Variants in EPHA6 observed in about 807,000 individuals in gnomAD.
EPHA6 encodes EPH receptor A6.
EPHA6 carries 50 observed loss-of-function variants against 112.0 expected under a neutral mutation model. The ratio of observed to expected loss-of-function variants is 0.45; its 90% CI spans 0.36 to 0.56. EPHA6 has a LOEUF of 0.56. Among genes scored for constraint, EPHA6 ranks in the 20% least tolerant of loss-of-function variants. The pLI is 0.00. For synonymous variants in EPHA6, 529 were observed against 490.7 expected, an observed-to-expected ratio of 1.08 and a Z score of -1.03; for missense variants, 1,280 against 1,417.4, an observed-to-expected ratio of 0.90 and a Z score of 1.56.
chr3:97,720,243 C>A lies in EPHA6; in HGVS notation c.2785-18C>A, dbSNP rs913465594. On this transcript the variant is annotated intron_variant, in intron 14 of 17. Coordinates refer to ENST00000389672, the MANE Select transcript of EPHA6 (RefSeq NM_001080448.3). Reference sequence around the variant, plus strand: ...TACAACGATAAGCCAGCTAAGAAATCTCCAATTTGTTTTCCAGGGTGGAAA... The same window carrying A: ...TACAACGATAAGCCAGCTAAGAAATATCCAATTTGTTTTCCAGGGTGGAAA... 1.9e-6 allele frequency: 3 copies of A among 1,555,768 alleles called. No individual in the cohort carries two copies. The highest frequency in any genetic ancestry group is 2.3e-5 in the East Asian group (1 of 42,844).
chr3:97,706,742 C>T (rs2033697402), intron 14 of EPHA6, among the ~76,000 whole-genome samples: 1 of 151,312 alleles, frequency 6.6e-6, no homozygotes, highest in African/African-American at 2.4e-5. Flanking sequence ...AGGTTTTTGC[C>T]TCCTCACACA....
At chr3:97,514,103 T>G (rs1171900409) in intron 10 of EPHA6, among the ~76,000 whole-genome samples, 1 of 152,192 alleles carries the variant, frequency 6.6e-6, no homozygotes, top group East Asian at 1.9e-4. Context: ...AGTTTATTAT[T>G]TTGCATTTCT....
At position 97,396,302 on chromosome 3, in the gene EPHA6, G is replaced by A. The variant is rs376313043; in HGVS notation, c.1607-8848G>A. Among the ~76,000 whole-genome samples, 54 of 148,598 alleles carry A rather than the reference G, an allele frequency of 3.6e-4. No homozygotes were observed. The South Asian group carries it at 0.011, about 29-fold the overall frequency. On this transcript the variant is annotated intron_variant, in intron 5 of 17. Transcript: ENST00000389672. ...GAGCACGTGCACACGCACACACCCTGATAGGTAAACCTTAATATATCTAGT... is the reference window on the plus strand; with the variant it reads ...GAGCACGTGCACACGCACACACCCTAATAGGTAAACCTTAATATATCTAGT...
At chr3:96,965,093 T>C (rs1443558430) in intron 2 of EPHA6, among the ~76,000 whole-genome samples, 2 of 152,154 alleles carry the variant, frequency 1.3e-5, no homozygotes, top group African/African-American at 4.8e-5. Flanking sequence ...ATTTGCCTTA[T>C]TTGAACACAG....
At chr3:97,677,178 A>C (rs2107672658) in intron 14 of EPHA6, among the ~76,000 whole-genome samples, 1 of 152,348 alleles carries the variant, frequency 6.6e-6, no homozygotes, top group East Asian at 1.9e-4. Context: ...ATACAGATCA[A>C]GCATTTTAAA....
At chr3:97,212,445 A>G (rs1479734581) in intron 3 of EPHA6, among the ~76,000 whole-genome samples, 1 of 152,206 alleles carries the variant, frequency 6.6e-6, no homozygotes, top group Non-Finnish European at 1.5e-5. Context: ...TATATTCAAA[A>G]TGGTAATAAA....
chr3:97,587,749 T>C (rs1329418053), intron 11 of EPHA6, among the ~76,000 whole-genome samples: 1 of 152,166 alleles, frequency 6.6e-6, no homozygotes, highest in Non-Finnish European at 1.5e-5. Flanking sequence ...AAGAAATTGA[T>C]TTTCCATATT....
At chr3:97,138,512 C>T (rs1205066984) in intron 3 of EPHA6, among the ~76,000 whole-genome samples, 1 of 152,088 alleles carries the variant, frequency 6.6e-6, no homozygotes, top group African/African-American at 2.4e-5. Flanking sequence ...GGGGGACCCA[C>T]AGCATAGCAA....
intron 5 of EPHA6, among the ~76,000 whole-genome samples, chr3:97,387,435 C>T (rs2086137836): frequency 6.6e-6 from 1 of 151,782 alleles, no homozygotes; most frequent in Non-Finnish European, 1.5e-5. Flanking sequence ...TCATTTCTCT[C>T]AAGATCAAAG....
intron 1 of EPHA6, among the ~76,000 whole-genome samples, chr3:96,832,945 T>C (rs931473684): frequency 2.0e-5 from 3 of 151,858 alleles, no homozygotes; most frequent in African/African-American, 7.2e-5. Flanking sequence ...CACAACCCTT[T>C]AAAGTTATAT....
chr3:96,851,878 C>T (rs181641845), intron 1 of EPHA6, among the ~76,000 whole-genome samples: 20 of 152,078 alleles, frequency 1.3e-4, no homozygotes, highest in Non-Finnish European at 2.2e-4. Context: ...CTTGCAGGGA[C>T]GCAGAAGCGT....
At chr3:97,722,665 C>T (rs1351524427) in intron 15 of EPHA6, among the ~76,000 whole-genome samples, 1 of 151,816 alleles carries the variant, frequency 6.6e-6, no homozygotes, top group Non-Finnish European at 1.5e-5. Context: ...TAGTATATAA[C>T]ATGATAATCA....
intron 14 of EPHA6, among the ~76,000 whole-genome samples, chr3:97,712,169 G>T (rs1482999219): frequency 6.6e-6 from 1 of 151,918 alleles, no homozygotes; most frequent in Non-Finnish European, 1.5e-5. Context: ...CATTACTTTT[G>T]TGTTAATTTC....
intron 3 of EPHA6, among the ~76,000 whole-genome samples, chr3:97,167,061 C>T (rs1339990209): frequency 6.6e-6 from 1 of 152,130 alleles, no homozygotes; most frequent in Non-Finnish European, 1.5e-5. Flanking sequence ...AGGCACCATT[C>T]ATATTCAATA....
chr3:97,241,228 A>G (rs2078836705), intron 4 of EPHA6, among the ~76,000 whole-genome samples: 1 of 151,852 alleles, frequency 6.6e-6, no homozygotes, highest in South Asian at 2.1e-4. Flanking sequence ...ACTAATAGAA[A>G]TTAAGTTGTA....
At chr3:97,548,390 C>A (rs894900419) in intron 11 of EPHA6, among the ~76,000 whole-genome samples, 1 of 152,178 alleles carries the variant, frequency 6.6e-6, no homozygotes, top group African/African-American at 2.4e-5. Context: ...TAGATTACTA[C>A]ACTATAAAGT....
chr3:97,127,225 C>T (rs2048207268), intron 3 of EPHA6, among the ~76,000 whole-genome samples: 1 of 152,140 alleles, frequency 6.6e-6, no homozygotes, highest in Non-Finnish European at 1.5e-5. Context: ...GGGATATGAT[C>T]TAATGGTAAT....
intron 2 of EPHA6, among the ~76,000 whole-genome samples, chr3:96,920,769 A>T (rs1045172423): frequency 2.6e-5 from 4 of 152,016 alleles, no homozygotes; most frequent in Non-Finnish European, 4.4e-5. Context: ...AAATAACTCC[A>T]TTAAATGGCT....
intron 3 of EPHA6, among the ~76,000 whole-genome samples, chr3:97,001,982 A>C (rs1386612043): frequency 1.3e-5 from 2 of 152,036 alleles, no homozygotes; most frequent in African/African-American, 2.4e-5. Context: ...TCTTGGATAG[A>C]ATTCTTTAAC....
Sources: gnomAD v4.1 joint callset for allele counts (sites outside exome capture counted in the v4.1 genomes callset) on GRCh38, gnomAD v4.1.1 for gene constraint, MANE v1.5 for transcripts, NCBI Gene and HGNC (gene_info 2026-07-23, HGNC 2026-07-21) for gene names.